TAFA4: variants seen among roughly 807,000 people sequenced by gnomAD.
TAFA4 encodes TAFA chemokine like family member 4.
A neutral mutation model predicts 21.1 loss-of-function variants in TAFA4; 20 were observed. The ratio of observed to expected loss-of-function variants is 0.95; its 90% confidence interval spans 0.67 to 1.38. TAFA4 has a LOEUF of 1.38. Ranked by LOEUF, TAFA4 falls within the 40% of genes most tolerant of loss-of-function variation. The pLI, the probability that TAFA4 is intolerant of heterozygous loss-of-function variation, is 0.00. For missense variants in TAFA4, 211 were observed against 180.9 expected (o/e 1.17, Z -0.95); for synonymous variants, 71 against 67.4 (o/e 1.05, Z -0.26).
chr3:68,851,081 T>A (rs112210431), intron 3 of TAFA4, among the ~76,000 whole-genome samples: 37 of 152,108 alleles, frequency 2.4e-4, no homozygotes, highest in Non-Finnish European at 4.3e-4. Flanking sequence ...AGCAAAAACA[T>A]GGAATCAACC....
At chr3:68,744,972 T>C (rs575497347) in intron 4 of TAFA4, among the ~76,000 whole-genome samples, 1 of 152,172 alleles carries the variant, frequency 6.6e-6, no homozygotes, top group Non-Finnish European at 1.5e-5. Context: ...GAAGAATACA[T>C]TGTGAGGTGC....
At chr3:68,816,060 C>T (rs1323700632) in intron 3 of TAFA4, among the ~76,000 whole-genome samples, 1 of 151,848 alleles carries the variant, frequency 6.6e-6, no homozygotes, top group Non-Finnish European at 1.5e-5. Context: ...CAAACTATCA[C>T]AAGGACAAAA....
At chr3:68,812,581 C>T (rs1703867357) in intron 3 of TAFA4, among the ~76,000 whole-genome samples, 1 of 152,088 alleles carries the variant, frequency 6.6e-6, no homozygotes, top group Non-Finnish European at 1.5e-5. Flanking sequence ...ACAAAGAAGG[C>T]CATTACATAA....
chr3:68,845,028 CT>C (rs1260103435), intron 3 of TAFA4, among the ~76,000 whole-genome samples: 1 of 152,124 alleles, frequency 6.6e-6, no homozygotes, highest in Non-Finnish European at 1.5e-5. Context: ...TAGAGATCTA[CT>C]AGGTCCGCTT....
At chr3:68,895,918 T>C (rs1466195417) in intron 1 of TAFA4, among the ~76,000 whole-genome samples, 1 of 152,184 alleles carries the variant, frequency 6.6e-6, no homozygotes, top group African/African-American at 2.4e-5. Context: ...GAAAAGAGGT[T>C]AGCTACTTGG....
At chr3:68,834,358 A>T (rs1704472358) in intron 3 of TAFA4, among the ~76,000 whole-genome samples, 1 of 152,152 alleles carries the variant, frequency 6.6e-6, no homozygotes, top group African/African-American at 2.4e-5. Context: ...TATACAGCTG[A>T]AATTTCAGCT....
At chr3:68,925,836 C>A (rs1168161001) in intron 1 of TAFA4, among the ~76,000 whole-genome samples, 1 of 152,166 alleles carries the variant, frequency 6.6e-6, no homozygotes, top group Non-Finnish European at 1.5e-5. Flanking sequence ...ATGTCGGCCT[C>A]CTTCCCTAGC....
chr3:68,912,210 C>G (rs564828055), intron 1 of TAFA4, among the ~76,000 whole-genome samples: 1 of 152,166 alleles, frequency 6.6e-6, no homozygotes, highest in Non-Finnish European at 1.5e-5. Context: ...GCCGGGGCCC[C>G]TTTAATCATG....
At chr3:68,917,934 G>A (rs6768792) in intron 1 of TAFA4, among the ~76,000 whole-genome samples, 39,684 of 151,776 alleles carry the variant, frequency 0.26, 5,620 homozygotes, top group African/African-American at 0.38. Context: ...ATCTTTAGGA[G>A]TAATGATAAT....
chr3:68,800,499 T>C (rs368608584), intron 3 of TAFA4, among the ~76,000 whole-genome samples: 17 of 152,318 alleles, frequency 1.1e-4, no homozygotes, highest in African/African-American at 3.6e-4. Flanking sequence ...AGAATCAAAC[T>C]TGTCGAAACA....
At chr3:68,826,544 G>A (rs1389512278) in intron 3 of TAFA4, among the ~76,000 whole-genome samples, 2 of 142,430 alleles carry the variant, frequency 1.4e-5, no homozygotes, top group East Asian at 2.0e-4. Flanking sequence ...CCGCACTCCA[G>A]CCTGGGCAAC....
At chr3:68,745,889 A>C (rs994767937) in intron 4 of TAFA4, among the ~76,000 whole-genome samples, 1 of 152,172 alleles carries the variant, frequency 6.6e-6, no homozygotes, top group Admixed American at 6.5e-5. Context: ...TGATTGGATT[A>C]AAGGATGCAA....
chr3:68,818,151 G>A (rs906863576), intron 3 of TAFA4, among the ~76,000 whole-genome samples: 10 of 152,112 alleles, frequency 6.6e-5, no homozygotes, highest in African/African-American at 2.4e-4. Context: ...ATCAGCACTT[G>A]GCTACTTCAT....
At chr3:68,866,283 T>A (rs762090221) in intron 3 of TAFA4, among the ~76,000 whole-genome samples, 1 of 152,002 alleles carries the variant, frequency 6.6e-6, no homozygotes, top group Non-Finnish European at 1.5e-5. Flanking sequence ...GATATTCCCA[T>A]TGGGACCCAC....
In TAFA4 at chr3:68,889,412, G is replaced by A. The variant is rs1005896621; in HGVS notation, c.-122-4102C>T. 2.6e-5 allele frequency among the ~76,000 whole-genome samples: 4 copies of A among 151,730 alleles called. 1 individual carries two copies. Among genetic ancestry groups the A allele is most frequent in the South Asian group, 4.2e-4 (2 of 4,810 alleles). On this transcript the variant is annotated intron_variant, in intron 1 of 5. Coordinates refer to ENST00000295569, the MANE Select transcript of TAFA4 (RefSeq NM_182522.5). ...TACCTACACTTGATTTCTTATCAAGGAAAATAGAGAGGCTGTGCCTTCCTC... is the reference window on the plus strand; with the variant it reads ...TACCTACACTTGATTTCTTATCAAGAAAAATAGAGAGGCTGTGCCTTCCTC...
chr3:68,887,293 C>T (rs1435628799), intron 1 of TAFA4, among the ~76,000 whole-genome samples: 2 of 152,206 alleles, frequency 1.3e-5, no homozygotes, highest in Non-Finnish European at 2.9e-5. Flanking sequence ...GTCCTGCATC[C>T]TGGACATGCT....
At chr3:68,924,411 T>C (rs2090088169) in intron 1 of TAFA4, among the ~76,000 whole-genome samples, 1 of 152,082 alleles carries the variant, frequency 6.6e-6, no homozygotes, top group South Asian at 2.1e-4. Flanking sequence ...TCCATTTATA[T>C]AAGGTACCTA....
chr3:68,784,589 G>A (rs746433774), intron 3 of TAFA4, among the ~76,000 whole-genome samples: 8 of 152,164 alleles, frequency 5.3e-5, no homozygotes, highest in South Asian at 4.1e-4. Flanking sequence ...AGACCTTTGC[G>A]GTGAGTGTTA....
chr3:68,814,237 T>C (rs1363026076), intron 3 of TAFA4, among the ~76,000 whole-genome samples: 1 of 152,164 alleles, frequency 6.6e-6, no homozygotes, highest in Non-Finnish European at 1.5e-5. Context: ...ATGGGAAGCA[T>C]TCCCTTTGAA....
Sources: gnomAD v4.1 joint callset for allele counts (sites outside exome capture counted in the v4.1 genomes callset) on GRCh38, gnomAD v4.1.1 for gene constraint, MANE v1.5 for transcripts, NCBI Gene and HGNC (gene_info 2026-07-23, HGNC 2026-07-21) for gene names.